The following MAF variants were observed in gnomAD, a reference collection of about 807,000 sequenced individuals.
The protein encoded by MAF is transcription factor Maf.
Under a neutral mutation model 22.0 loss-of-function variants are expected in MAF, and 10 were observed. The ratio of observed to expected loss-of-function variants is 0.45; its 90% CI spans 0.28 to 0.77. The LOEUF (loss-of-function observed/expected upper bound fraction) is 0.77. Ranked by LOEUF, MAF falls within the 30% of genes least tolerant of loss-of-function variation. The pLI is 0.12. For synonymous variants in MAF, 337 were observed against 255.8 expected (o/e 1.32, Z -3.03); for missense variants, 544 against 548.4 (o/e 0.99, Z 0.08).
the MAF span, among the ~76,000 whole-genome samples, chr16:79,419,860 C>G: frequency 3.3e-5 from 5 of 152,062 alleles, no homozygotes; most frequent in Non-Finnish European, 7.4e-5. Flanking sequence ...CCTTACTTTG[C>G]AAACTTTGCT....
At chr16:79,404,513 C>T in the MAF span, among the ~76,000 whole-genome samples, 1 of 152,120 alleles carries the variant, frequency 6.6e-6, no homozygotes, top group Non-Finnish European at 1.5e-5. Context: ...ATGGGTACAT[C>T]GAGGAGAGAC....
the MAF span, among the ~76,000 whole-genome samples, chr16:79,289,830 A>G: frequency 6.8e-6 from 1 of 147,424 alleles, no homozygotes; most frequent in Non-Finnish European, 1.5e-5. Flanking sequence ...AGGGATGAAC[A>G]AAAGGCAGGA....
At chr16:79,464,330 AG>A in the MAF span, among the ~76,000 whole-genome samples, 1 of 152,172 alleles carries the variant, frequency 6.6e-6, no homozygotes, top group Non-Finnish European at 1.5e-5. Context: ...CCGAGGGAGT[AG>A]GGGCCTGAGG....
the MAF span, among the ~76,000 whole-genome samples, chr16:79,497,982 G>C: frequency 6.6e-6 from 1 of 151,160 alleles, no homozygotes; most frequent in Non-Finnish European, 1.5e-5. Context: ...AGAGTAACAA[G>C]ATATGCACAG....
chr16:79,383,712 C>T, the MAF span, among the ~76,000 whole-genome samples: 5 of 152,176 alleles, frequency 3.3e-5, no homozygotes, highest in African/African-American at 1.2e-4. Flanking sequence ...CCTGTGTTTA[C>T]GCTGGTCCTC....
At chr16:79,553,884 C>T in the MAF span, among the ~76,000 whole-genome samples, 93,470 of 151,872 alleles carry the variant, frequency 0.62, 29,402 homozygotes, top group Non-Finnish European at 0.69. Flanking sequence ...AGGTCAAGAG[C>T]TCGAGACCAG....
chr16:79,260,833 TA>T, the MAF span, among the ~76,000 whole-genome samples: 4,734 of 144,430 alleles, frequency 0.033, 251 homozygotes, highest in African/African-American at 0.11. Context: ...GAGGCCAAAT[TA>T]AAAAAAAAAA....
the MAF span, among the ~76,000 whole-genome samples, chr16:79,567,677 G>C: frequency 6.6e-6 from 1 of 152,190 alleles, no homozygotes; most frequent in Non-Finnish European, 1.5e-5. Flanking sequence ...GCCTTGCTGG[G>C]TATCTCCTCC....
the MAF span, among the ~76,000 whole-genome samples, chr16:79,219,966 T>C: frequency 6.6e-6 from 1 of 152,224 alleles, no homozygotes; most frequent in Non-Finnish European, 1.5e-5. Flanking sequence ...ACTAATGTTC[T>C]GTTAAACAAA....
At chr16:79,286,384 C>T in the MAF span, among the ~76,000 whole-genome samples, 1 of 152,162 alleles carries the variant, frequency 6.6e-6, no homozygotes, top group East Asian at 1.9e-4. Context: ...AAGCTGAGGT[C>T]ACCTGATATT....
At chr16:79,455,821 C>G in the MAF span, among the ~76,000 whole-genome samples, 1 of 152,110 alleles carries the variant, frequency 6.6e-6, no homozygotes, top group Non-Finnish European at 1.5e-5. Context: ...AGGTTGAGAC[C>G]AGCCTGGCCA....
At chr16:79,314,502 C>T in the MAF span, among the ~76,000 whole-genome samples, 27 of 152,312 alleles carry the variant, frequency 1.8e-4, no homozygotes, top group African/African-American at 5.8e-4. Context: ...CAGCTTTCCC[C>T]AGGGAGGAGG....
At chr16:79,251,259 A>G in the MAF span, among the ~76,000 whole-genome samples, 13 of 151,828 alleles carry the variant, frequency 8.6e-5, no homozygotes, top group East Asian at 1.9e-3. Flanking sequence ...CTCATTGTTA[A>G]CTGTTTTCTA....
At chr16:79,440,065 C>T in the MAF span, among the ~76,000 whole-genome samples, 2 of 152,238 alleles carry the variant, frequency 1.3e-5, no homozygotes, top group African/African-American at 4.8e-5. Flanking sequence ...CTATTTTCCA[C>T]TTCCCTAATT....
chr16:79,502,708 A>AATATATAT, the MAF span, among the ~76,000 whole-genome samples: 67 of 33,880 alleles, frequency 2.0e-3, no homozygotes, highest in Non-Finnish European at 2.4e-3. Context: ...TATAAATATA[A>AATATATAT]ATATATATAT....
At chr16:79,263,733 T>G in the MAF span, among the ~76,000 whole-genome samples, 1 of 152,208 alleles carries the variant, frequency 6.6e-6, no homozygotes, top group Non-Finnish European at 1.5e-5. Context: ...GTAATTAGCT[T>G]GGAGATTCAT....
At chr16:79,352,237 A>G in the MAF span, among the ~76,000 whole-genome samples, 5 of 152,210 alleles carry the variant, frequency 3.3e-5, no homozygotes, top group African/African-American at 9.7e-5. Flanking sequence ...CCGGGCAAGA[A>G]TAATGTCACG....
the MAF span, among the ~76,000 whole-genome samples, chr16:79,571,526 C>T: frequency 5.1e-5 from 6 of 116,832 alleles, no homozygotes; most frequent in African/African-American, 1.7e-4. Context: ...AACATCTCAG[C>T]GGAATTTTTT....
the MAF span, among the ~76,000 whole-genome samples, chr16:79,502,704 T>TAC: frequency 6.9e-5 from 1 of 14,398 alleles, no homozygotes; most frequent in Non-Finnish European, 1.5e-4. Context: ...TAAATATAAA[T>TAC]ATAAATATAT....
Sources: gnomAD v4.1 joint callset for allele counts (sites outside exome capture counted in the v4.1 genomes callset) on GRCh38, gnomAD v4.1.1 for gene constraint, MANE v1.5 for transcripts, NCBI Gene and HGNC (gene_info 2026-07-23, HGNC 2026-07-21) for gene names.